The following PCDH15 variants were observed in gnomAD, a reference collection of about 807,000 sequenced individuals.
PCDH15 encodes protocadherin-15.
A neutral mutation model predicts 178.5 loss-of-function variants in PCDH15; 129 were observed. The observed-to-expected ratio is 0.72, with a 90% CI of 0.63 to 0.84. The LOEUF is 0.84. Among genes scored for constraint, PCDH15 ranks in the 40% least tolerant of loss-of-function variants. The pLI is 0.00. For synonymous variants in PCDH15, 800 were observed against 732.0 expected (o/e 1.09, Z -1.50); for missense variants, 2,230 against 2,099.9 (o/e 1.06, Z -1.21).
intron 25 of PCDH15, among the ~76,000 whole-genome samples, chr10:53,913,484 A>G (rs2083279266): frequency 6.6e-6 from 1 of 152,022 alleles, no homozygotes; most frequent in South Asian, 2.1e-4. Flanking sequence ...CTGTAATCCC[A>G]GCACTTTGGG....
intron 1 of PCDH15, among the ~76,000 whole-genome samples, chr10:54,790,504 C>T (rs1476032096): frequency 6.6e-6 from 1 of 151,798 alleles, no homozygotes; most frequent in Admixed American, 6.6e-5. Context: ...CACATCCCAT[C>T]CTATCTTGAT....
At chr10:54,628,473 A>C (rs979277331) in intron 2 of PCDH15, among the ~76,000 whole-genome samples, 1 of 152,168 alleles carries the variant, frequency 6.6e-6, no homozygotes, top group African/African-American at 2.4e-5. Flanking sequence ...TTATTTCTAC[A>C]GGTCTTTAGT....
rs552721245 is a variant in PCDH15, at chr10:54,751,437, T to A, written c.-29+49488A>T. On this transcript the variant is annotated intron_variant, in intron 1 of 37. Coordinates refer to ENST00000644397, the MANE Select transcript of PCDH15 (RefSeq NM_001384140.1). ...ATATGCACAAACAGATGGCACCTGCTAAATACATAACTGGCAATAATATCT... is the reference window on the plus strand; with the variant it reads ...ATATGCACAAACAGATGGCACCTGCAAAATACATAACTGGCAATAATATCT... 2.0e-5 allele frequency among the ~76,000 whole-genome samples: 3 copies of A among 152,302 alleles called. No individual in the cohort carries two copies. The South Asian group carries it at 6.2e-4, about 32-fold the overall frequency.
chr10:54,511,052 G>T (rs1214425674), intron 3 of PCDH15, among the ~76,000 whole-genome samples: 1 of 152,116 alleles, frequency 6.6e-6, no homozygotes, highest in Non-Finnish European at 1.5e-5. Context: ...AAAGAAGCAT[G>T]ATTTTACCGT....
Position 55,445,049 on chromosome 10 carries a change from T to C in PCDH15, c.-156+182576A>G, listed in dbSNP as rs1405598536. Among the ~76,000 whole-genome samples the C allele has an allele frequency of 2.6e-5, 4 of 151,858 alleles. No individual in the cohort carries two copies. In the East Asian group the frequency reaches 7.7e-4, roughly 29 times the overall value. On this transcript the variant is annotated intron_variant, in intron 2 of 5. Coordinates refer to the PCDH15 transcript ENST00000613346. Reference sequence around the variant, plus strand: ...GAAGGAAAAAGGATTGACTGGAAAATTAAATATGAATGAAACTCCCAAAAA... The same window carrying C: ...GAAGGAAAAAGGATTGACTGGAAAACTAAATATGAATGAAACTCCCAAAAA...
chr10:55,519,873 G>A (rs1841116794), intron 2 of PCDH15, among the ~76,000 whole-genome samples: 1 of 150,558 alleles, frequency 6.6e-6, no homozygotes. Flanking sequence ...CTCTTGAAGA[G>A]GTAATGCAAC....
At chr10:54,328,099 T>C (rs1029584466) in intron 7 of PCDH15, among the ~76,000 whole-genome samples, 2 of 152,026 alleles carry the variant, frequency 1.3e-5, no homozygotes, top group East Asian at 3.9e-4. Flanking sequence ...GTATTTTCAC[T>C]GACCTAAAAA....
chr10:54,374,844 G>C (rs1477506404), intron 4 of PCDH15, among the ~76,000 whole-genome samples: 1 of 151,882 alleles, frequency 6.6e-6, no homozygotes, highest in East Asian at 1.9e-4. Context: ...TGAGCGTTGG[G>C]TATTTTTATT....
intron 3 of PCDH15, among the ~76,000 whole-genome samples, chr10:54,406,737 C>T (rs1952722942): frequency 6.6e-6 from 1 of 152,072 alleles, no homozygotes; most frequent in Admixed American, 6.6e-5. Context: ...TTAACCCCTA[C>T]CTCCTAACAA....
intron 3 of PCDH15, among the ~76,000 whole-genome samples, chr10:54,431,809 T>C (rs1177656059): frequency 6.6e-6 from 1 of 152,038 alleles, no homozygotes; most frequent in East Asian, 1.9e-4. Context: ...AAGAAATAAG[T>C]CAAATTATCC....
At chr10:55,017,854 C>A (rs559322550) in intron 2 of PCDH15, among the ~76,000 whole-genome samples, 1 of 152,110 alleles carries the variant, frequency 6.6e-6, no homozygotes, top group African/African-American at 2.4e-5. Context: ...GTTCTGTGTT[C>A]AGTAGTGAGA....
At chr10:54,453,828 C>T (rs2076638173) in intron 3 of PCDH15, among the ~76,000 whole-genome samples, 1 of 152,030 alleles carries the variant, frequency 6.6e-6, no homozygotes, top group East Asian at 2.0e-4. Context: ...AAGGGAAGTT[C>T]CTTCCCTAGA....
chr10:54,278,124 T>A (rs11592440), intron 8 of PCDH15, among the ~76,000 whole-genome samples: 74,437 of 151,320 alleles, frequency 0.49, 19,310 homozygotes, highest in Middle Eastern at 0.6. Flanking sequence ...AATATTAACC[T>A]CTTTTGTGTC....
intron 2 of PCDH15, among the ~76,000 whole-genome samples, chr10:55,078,358 A>T (rs1318606920): frequency 6.6e-6 from 1 of 152,114 alleles, no homozygotes; most frequent in Non-Finnish European, 1.5e-5. Context: ...GGATGTCTAA[A>T]TATATTGCTA....
chr10:55,049,110 T>A (rs10825449), intron 2 of PCDH15, among the ~76,000 whole-genome samples: 70,932 of 151,810 alleles, frequency 0.47, 18,196 homozygotes, highest in East Asian at 0.75. Flanking sequence ...CAGAATAAAT[T>A]TTCAAATGAA....
chr10:54,430,185 A>G (rs1565254836), intron 3 of PCDH15, among the ~76,000 whole-genome samples: 1 of 150,536 alleles, frequency 6.6e-6, no homozygotes, highest in Non-Finnish European at 1.5e-5. Flanking sequence ...CCTTCTGCTT[A>G]GCTGGGATTA....
chr10:54,676,733 A>G (rs560640149), intron 1 of PCDH15, among the ~76,000 whole-genome samples: 145 of 152,268 alleles, frequency 9.5e-4, no homozygotes, highest in Middle Eastern at 3.4e-3. Context: ...AAACTATGAA[A>G]AGTCTACTAT....
At chr10:54,633,098 A>G (rs1651679598) in intron 2 of PCDH15, among the ~76,000 whole-genome samples, 1 of 152,148 alleles carries the variant, frequency 6.6e-6, no homozygotes, top group Admixed American at 6.6e-5. Context: ...TAAAACCATA[A>G]TGGAATACGG....
chr10:55,109,964 T>G (rs1837455282), intron 2 of PCDH15, among the ~76,000 whole-genome samples: 1 of 151,622 alleles, frequency 6.6e-6, no homozygotes, highest in Non-Finnish European at 1.5e-5. Flanking sequence ...ATAAACAGTA[T>G]AAACATTTAA....
Sources: allele counts gnomAD v4.1 joint callset (sites outside exome capture counted in the v4.1 genomes callset), GRCh38; gene constraint gnomAD v4.1.1; transcripts MANE v1.5; gene names NCBI Gene and HGNC (gene_info 2026-07-23, HGNC 2026-07-21).